The following DUSP10 variants were observed in gnomAD, a reference collection of about 807,000 sequenced individuals.
DUSP10 encodes the protein dual specificity phosphatase 10.
In DUSP10, 14 loss-of-function variants were observed where a neutral mutation model predicts 30.8. The ratio of observed to expected loss-of-function variants is 0.46; its 90% CI spans 0.30 to 0.71. The LOEUF is 0.71. Among genes scored for constraint, DUSP10 ranks in the 30% least tolerant of loss-of-function variants. The pLI, the probability that DUSP10 is intolerant of heterozygous loss-of-function variation, is 0.08. For missense variants in DUSP10, 550 were observed against 619.4 expected (o/e 0.89, Z 1.19); for synonymous variants, 254 against 250.4 (o/e 1.01, Z -0.14).
chr1:221,723,650 A>C (rs897973781), intron 2 of DUSP10, among the ~76,000 whole-genome samples: 1 of 152,222 alleles, frequency 6.6e-6, no homozygotes, highest in Non-Finnish European at 1.5e-5. Context: ...CTTTATGATG[A>C]TAGTTTTTAT....
At chr1:221,736,120 C>G (rs147033259) in intron 2 of DUSP10, among the ~76,000 whole-genome samples, 3 of 152,128 alleles carry the variant, frequency 2.0e-5, no homozygotes, top group Non-Finnish European at 4.4e-5. Context: ...TGCCTCTGAT[C>G]GGTTTCTTCC....
intron 2 of DUSP10, chr1:221,737,489 T>C: frequency 1.0e-6 from 1 of 984,558 alleles, no homozygotes; most frequent in African/African-American, 1.7e-5. Flanking sequence ...TACAGAGCTA[T>C]ATGGAGGAAA....
At chr1:221,721,225 T>C (rs1439500130) in intron 2 of DUSP10, among the ~76,000 whole-genome samples, 1 of 152,226 alleles carries the variant, frequency 6.6e-6, no homozygotes, top group Non-Finnish European at 1.5e-5. Flanking sequence ...TTAGATTCAT[T>C]GAACACTGGA....
intron 2 of DUSP10, among the ~76,000 whole-genome samples, chr1:221,730,682 T>C (rs1661562915): frequency 6.6e-6 from 1 of 152,226 alleles, no homozygotes; most frequent in Non-Finnish European, 1.5e-5. Flanking sequence ...TTATCTTATA[T>C]GAAAGTACTA....
At chr1:221,723,540 G>C (rs1558122624) in intron 2 of DUSP10, among the ~76,000 whole-genome samples, 1 of 152,196 alleles carries the variant, frequency 6.6e-6, no homozygotes, top group African/African-American at 2.4e-5. Context: ...GGGTTCCCAG[G>C]CCACCCACAC....
intron 2 of DUSP10, among the ~76,000 whole-genome samples, chr1:221,710,144 T>G (rs769731307): frequency 2.0e-4 from 31 of 152,206 alleles, no homozygotes; most frequent in Non-Finnish European, 4.0e-4. Context: ...ATGTAAAGGT[T>G]TTGATACACG....
chr1:221,728,278 G>A (rs1054964926), intron 2 of DUSP10, among the ~76,000 whole-genome samples: 8 of 152,168 alleles, frequency 5.3e-5, no homozygotes, highest in African/African-American at 1.2e-4. Context: ...ACTTTGTGAC[G>A]AAATCTTATA....
chr1:221,726,561 GA>G (rs1661430812), intron 2 of DUSP10, among the ~76,000 whole-genome samples: 1 of 152,096 alleles, frequency 6.6e-6, no homozygotes, highest in Admixed American at 6.5e-5. Context: ...GTCAGGGCGG[GA>G]TTAGTAATAT....
chr1:221,704,333 A>G (rs1029054642), intron 3 of DUSP10, among the ~76,000 whole-genome samples: 25 of 148,044 alleles, frequency 1.7e-4, no homozygotes, highest in Non-Finnish European at 3.1e-4. Flanking sequence ...AAAAAAAAAA[A>G]GGCAGGTAAG....
At chr1:221,730,681 A>G (rs970177253) in intron 2 of DUSP10, among the ~76,000 whole-genome samples, 8 of 152,226 alleles carry the variant, frequency 5.3e-5, no homozygotes, top group Non-Finnish European at 1.2e-4. Flanking sequence ...TTTATCTTAT[A>G]TGAAAGTACT....
chr1:221,712,776 G>GAAAAAAAAAAAAAAAAA (rs1558118471), intron 2 of DUSP10, among the ~76,000 whole-genome samples: 1 of 10,566 alleles, frequency 9.5e-5, no homozygotes, highest in Non-Finnish European at 1.5e-4. Context: ...ATATAAAGCA[G>GAAAAAAAAAAAAAAAAA]CAAAAAAAAA....
In DUSP10 at chr1:221,739,117, T is replaced by C. The variant is rs1332210491; in HGVS notation, c.628A>G (p.Ile210Val). The change falls in exon 2 of 4, where the codon ATC (isoleucine) becomes GTC (valine). Residue 210 changes from isoleucine (I) to valine (V), a missense_variant. By Grantham distance (29) the Ile-to-Val change is conservative (BLOSUM62 3). Transcript: ENST00000366899. ...CAGGAAATCAAGTCTAGGACAGTGA[T>C]CTTGCCCTGCTGCAGTCTCCGCCGG... ...ISRRRLQQGK[I>V]TVLDLISCRE... 1 of 1,614,210 alleles carries C rather than the reference T, an allele frequency of 6.2e-7. No individual in the cohort carries two copies. The highest frequency in any genetic ancestry group is 2.2e-5 in the East Asian group (1 of 44,888).
chr1:221,721,970 A>G (rs1490896657), intron 2 of DUSP10, among the ~76,000 whole-genome samples: 1 of 152,210 alleles, frequency 6.6e-6, no homozygotes, highest in Non-Finnish European at 1.5e-5. Context: ...TGATTCTGAC[A>G]GTATCTTCAC....
At chr1:221,724,869 G>A (rs562906064) in intron 2 of DUSP10, among the ~76,000 whole-genome samples, 1 of 152,302 alleles carries the variant, frequency 6.6e-6, no homozygotes, top group Non-Finnish European at 1.5e-5. Flanking sequence ...TTGGAGAAGA[G>A]AGGCTCTCTG....
chr1:221,740,643 T>G (rs1661926611), intron 1 of DUSP10, among the ~76,000 whole-genome samples: 1 of 152,164 alleles, frequency 6.6e-6, no homozygotes, highest in African/African-American at 2.4e-5. Context: ...TTCATCTCCC[T>G]GGCTGGCACA....
intron 2 of DUSP10, among the ~76,000 whole-genome samples, chr1:221,709,267 T>A (rs1041213025): frequency 6.6e-6 from 1 of 151,824 alleles, no homozygotes. Flanking sequence ...GAGCCAATGA[T>A]GTAATGCTAA....
At position 221,706,233 on chromosome 1, in the gene DUSP10, C is replaced by T. The variant is rs766444352; in HGVS notation, c.1045G>A (p.Gly349Ser). The T allele has an allele frequency of 1.2e-5, 20 of 1,613,890 alleles. No individual in the cohort carries two copies. Among genetic ancestry groups the T allele is most frequent in the East Asian group, 1.1e-4 (5 of 44,868 alleles). ...TGAGTGGTGACGTTGATGACGTAGC[C>T]GATGTTCAGCCGCTGCATGGTGTCC... is the stretch of plus-strand genomic sequence containing the variant. ...DLDTMQRLNI[G>S]YVINVTTHLP... Residue 349 changes from glycine to serine, a missense_variant, in exon 3 of 4, where the codon GGC (glycine) becomes AGC (serine). Coordinates refer to ENST00000366899, the MANE Select transcript of DUSP10 (RefSeq NM_007207.6). This position sits in a 1 kb window ranked among gnomAD's most constrained non-coding sequence, Gnocchi z 4.6.
chr1:221,731,507 C>T (rs1207218755), intron 2 of DUSP10, among the ~76,000 whole-genome samples: 1 of 149,078 alleles, frequency 6.7e-6, no homozygotes, highest in African/African-American at 2.5e-5. Context: ...TTTATTTTTT[C>T]ATTAAAAACC....
At chr1:221,708,395 G>A (rs764636341) in intron 2 of DUSP10, among the ~76,000 whole-genome samples, 3 of 152,164 alleles carry the variant, frequency 2.0e-5, no homozygotes, top group South Asian at 2.1e-4. Context: ...CAATGGACCC[G>A]GAGCTGGCTG....
Sources: allele counts gnomAD v4.1 joint callset (sites outside exome capture counted in the v4.1 genomes callset), GRCh38; gene constraint gnomAD v4.1.1; non-coding constraint Gnocchi (gnomAD v3.1); transcripts MANE v1.5; gene names NCBI Gene and HGNC (gene_info 2026-07-23, HGNC 2026-07-21).